The following MAST4 variants were observed in gnomAD, a reference collection of about 807,000 sequenced individuals.
MAST4 encodes microtubule-associated serine/threonine-protein kinase 4.
Under a neutral mutation model 162.7 loss-of-function variants are expected in MAST4, and 89 were observed. The ratio of observed to expected loss-of-function variants is 0.55; its 90% CI spans 0.46 to 0.65. The LOEUF is 0.65. Among genes scored for constraint, MAST4 ranks in the 30% least tolerant of loss-of-function variants. The pLI is 0.00. For missense variants in MAST4, 3,153 were observed against 3,374.0 expected (o/e 0.93, Z 1.62); for synonymous variants, 1,479 against 1,361.1 (o/e 1.09, Z -1.91).
intron 1 of MAST4, among the ~76,000 whole-genome samples, chr5:66,708,030 G>A (rs565179727): frequency 2.2e-4 from 33 of 152,328 alleles, no homozygotes; most frequent in African/African-American, 7.2e-4. Flanking sequence ...CCACAAGGAT[G>A]AGGATGTCGC....
chr5:67,100,524 C>T lies in MAST4; in HGVS notation c.1002C>T (p.Thr334=). 1 of 1,613,844 alleles carries T rather than the reference C, an allele frequency of 6.2e-7. No homozygotes were observed. Among genetic ancestry groups the T allele is most frequent in the East Asian group, 2.2e-5 (1 of 44,874 alleles). The change falls in exon 8 of 29, where the codon ACC becomes ACT. Residue 334 remains threonine, a synonymous_variant. Transcript: ENST00000403625. Reference sequence around the variant, plus strand: ...ACTTCTTATCAAAACATTTCTGTACCACCGAAAGCATCGCCACTGAGAACA... The same window carrying T: ...ACTTCTTATCAAAACATTTCTGTACTACCGAAAGCATCGCCACTGAGAACA... ...ELHFLSKHFC[T]TESIATENRC...
At chr5:67,038,729 T>G (rs1756344926) in intron 4 of MAST4, among the ~76,000 whole-genome samples, 1 of 152,068 alleles carries the variant, frequency 6.6e-6, no homozygotes, top group African/African-American at 2.4e-5. Context: ...GCTCATGTGA[T>G]TTTTTTTAAA....
chr5:66,943,008 A>G (rs1001792527), intron 4 of MAST4, among the ~76,000 whole-genome samples: 3 of 152,020 alleles, frequency 2.0e-5, no homozygotes, highest in African/African-American at 7.2e-5. Flanking sequence ...GGGGTGTGGC[A>G]GCTCTTTGGG....
chr5:66,952,893 G>C (rs533397970), intron 4 of MAST4, among the ~76,000 whole-genome samples: 1 of 152,208 alleles, frequency 6.6e-6, no homozygotes, highest in South Asian at 2.1e-4. Flanking sequence ...TCCTGTGATG[G>C]GAGTACCTGT....
At chr5:66,616,723 TG>T (rs1464044194) in intron 1 of MAST4, among the ~76,000 whole-genome samples, 1 of 152,216 alleles carries the variant, frequency 6.6e-6, no homozygotes, top group South Asian at 2.1e-4. Context: ...AGAGAGTGCC[TG>T]GAACACTGCA....
intron 4 of MAST4, among the ~76,000 whole-genome samples, chr5:67,003,030 G>A (rs1751465375): frequency 1.3e-5 from 2 of 151,050 alleles, no homozygotes; most frequent in Admixed American, 1.3e-4. Flanking sequence ...GAATTATCCA[G>A]CCTATGTCAA....
chr5:66,890,871 G>T (rs1346529397), intron 3 of MAST4, among the ~76,000 whole-genome samples: 2 of 152,172 alleles, frequency 1.3e-5, no homozygotes, highest in Admixed American at 6.5e-5. Flanking sequence ...TCTCTAAAAT[G>T]AGAATAATAG....
intron 3 of MAST4, among the ~76,000 whole-genome samples, chr5:66,846,682 T>C (rs752402342): frequency 6.6e-6 from 1 of 152,104 alleles, no homozygotes; most frequent in Non-Finnish European, 1.5e-5. Flanking sequence ...CATAAATTAG[T>C]TGGTATATGG....
At chr5:66,775,969 A>G (rs543945491) in intron 2 of MAST4, among the ~76,000 whole-genome samples, 6 of 152,212 alleles carry the variant, frequency 3.9e-5, no homozygotes, top group Non-Finnish European at 8.8e-5. Context: ...GTTGAGAAAG[A>G]ATTTGAAATC....
intron 26 of MAST4, among the ~76,000 whole-genome samples, chr5:67,154,027 A>G (rs142677368): frequency 6.6e-6 from 1 of 152,256 alleles, no homozygotes; most frequent in Non-Finnish European, 1.5e-5. Flanking sequence ...ATATATACAC[A>G]TGTACTATAA....
At chr5:66,687,503 T>C (rs1273960217) in intron 1 of MAST4, among the ~76,000 whole-genome samples, 5 of 152,010 alleles carry the variant, frequency 3.3e-5, no homozygotes, top group African/African-American at 1.2e-4. Context: ...TGTATATGTA[T>C]GTATACATAG....
At chr5:66,634,270 G>A (rs1459548104) in intron 1 of MAST4, among the ~76,000 whole-genome samples, 1 of 152,142 alleles carries the variant, frequency 6.6e-6, no homozygotes, top group Non-Finnish European at 1.5e-5. Context: ...TGTTTGTCAG[G>A]CTGGTCTTGA....
At chr5:66,909,039 C>G (rs1468476530) in intron 4 of MAST4, among the ~76,000 whole-genome samples, 1 of 152,126 alleles carries the variant, frequency 6.6e-6, no homozygotes, top group Non-Finnish European at 1.5e-5. Context: ...TTCTTTCTCT[C>G]CCCCCAGATC....
At chr5:66,720,712 A>C (rs1032450414) in intron 1 of MAST4, among the ~76,000 whole-genome samples, 31 of 151,804 alleles carry the variant, frequency 2.0e-4, no homozygotes, top group Admixed American at 5.9e-4. Context: ...CTTTTTAATG[A>C]TTCTTTCTTT....
chr5:66,783,372 T>G (rs1754967714), intron 2 of MAST4: 1 of 152,330 alleles, frequency 6.6e-6, no homozygotes, highest in Non-Finnish European at 1.5e-5. Context: ...CCTGTTCTAC[T>G]CAGGAACTTG....
intron 4 of MAST4, among the ~76,000 whole-genome samples, chr5:67,032,034 G>GC (rs1755400115): frequency 6.6e-6 from 1 of 152,098 alleles, no homozygotes; most frequent in African/African-American, 2.4e-5. Context: ...AAAGCAATCT[G>GC]CCCCCCTTCC....
intron 1 of MAST4, among the ~76,000 whole-genome samples, chr5:66,628,576 T>A (rs1204942775): frequency 6.6e-6 from 1 of 151,674 alleles, no homozygotes; most frequent in Non-Finnish European, 1.5e-5. Context: ...AAAGGAAAAA[T>A]TATTATTATT....
chr5:66,809,961 T>C (rs1346139952), intron 3 of MAST4, among the ~76,000 whole-genome samples: 1 of 152,216 alleles, frequency 6.6e-6, no homozygotes, highest in Non-Finnish European at 1.5e-5. Context: ...TTTGAACTTA[T>C]TCTGAAGATC....
At chr5:66,773,447 A>G (rs1219627669) in intron 2 of MAST4, among the ~76,000 whole-genome samples, 1 of 152,216 alleles carries the variant, frequency 6.6e-6, no homozygotes, top group Non-Finnish European at 1.5e-5. Context: ...CCCTCCTTGC[A>G]TTTAACTCAT....
Sources: gnomAD v4.1 joint callset for allele counts (sites outside exome capture counted in the v4.1 genomes callset) on GRCh38, gnomAD v4.1.1 for gene constraint, MANE v1.5 for transcripts, NCBI Gene and HGNC (gene_info 2026-07-23, HGNC 2026-07-21) for gene names.